The following LARS1 variants were observed in gnomAD, a reference collection of about 807,000 sequenced individuals.
LARS1 encodes the protein leucine--tRNA ligase, cytoplasmic.
LARS1 carries 100 observed loss-of-function variants against 162.8 expected under a neutral mutation model. The observed-to-expected ratio is 0.61, with a 90% confidence interval of 0.52 to 0.73. LARS1 has a LOEUF of 0.73. Ranked by LOEUF, LARS1 falls within the 30% of genes least tolerant of loss-of-function variation. The probability of loss-of-function intolerance (pLI) is 0.00; values close to 1 mark genes in which losing one functional copy is unlikely to be tolerated. For missense variants in LARS1, 1,258 were observed against 1,408.9 expected, an observed-to-expected ratio of 0.89 and a Z score of 1.71; for synonymous variants, 457 against 462.8, an observed-to-expected ratio of 0.99 and a Z score of 0.16.
chr5:146,176,464 A>AAAAG lies in LARS1; in HGVS notation c.125+1079_125+1082dup, dbSNP rs1188650331. On this transcript the variant is annotated intron_variant, in intron 2 of 31. Transcript: ENST00000394434. ...AGACTGTCTCAAAAAAAAAAAAAAA[A>AAAAG]AAAGAAAGAAAGAAAAAGAAGATTA... Among the ~76,000 whole-genome samples, 20 of 151,502 alleles carry AAAAG rather than the reference A, an allele frequency of 1.3e-4. No homozygotes were observed. In the Middle Eastern group the frequency reaches 0.01, roughly 77 times the overall value.
In LARS1 at chr5:146,122,559, G is replaced by A; in HGVS notation, c.3125C>T (p.Ser1042Phe). The A allele has an allele frequency of 6.2e-7, 1 of 1,609,416 alleles. No homozygotes were observed. Among genetic ancestry groups the A allele is most frequent in the South Asian group, 1.1e-5 (1 of 90,670 alleles). ...ELEHIEVKFA[S>F]EAEDKIREDC... ...TTCCCTGATTTTATCTTCTGCTTCG[G>A]AGGCAAACTTGACTTCTATGTGTTC... Residue 1042 changes from serine (S) to phenylalanine (F), a missense_variant, in exon 30 of 32, where the codon TCC becomes TTC. Coordinates refer to ENST00000394434, the MANE Select transcript of LARS1 (RefSeq NM_020117.11).
At position 146,177,540 on chromosome 5, in the gene LARS1, T is replaced by A. The variant is rs768298910; in HGVS notation, c.125+7A>T. 11 of 1,183,232 alleles carry A rather than the reference T, an allele frequency of 9.3e-6. No homozygotes were observed. The highest frequency in any genetic ancestry group is 7.3e-5 in the Admixed American group (4 of 55,084). 73.3% of individuals were successfully genotyped at this position (1,183,232 alleles called of 1,614,324 possible). On this transcript the variant is annotated splice_region_variant and intron_variant, in intron 2 of 31. Transcript: ENST00000394434. ...CAATGTGCAGAACTTCACAAACTAT[T>A]ACTCACCTGGTCTGTTTCTCTAAAT...
At chr5:146,169,750 C>T (rs545842835) in intron 4 of LARS1, among the ~76,000 whole-genome samples, 5 of 151,970 alleles carry the variant, frequency 3.3e-5, no homozygotes, top group South Asian at 2.1e-4. Context: ...GGTTTCACCA[C>T]GTTGGCCAGG....
At chr5:146,142,181 G>A (rs1036456108) in intron 20 of LARS1, among the ~76,000 whole-genome samples, 2 of 152,064 alleles carry the variant, frequency 1.3e-5, no homozygotes, top group African/African-American at 4.8e-5. Context: ...AAAAATATTC[G>A]GGAGGCTGAG....
intron 23 of LARS1, 81 bp downstream of exon 23, chr5:146,132,817 G>T: frequency 5.7e-6 from 3 of 528,086 alleles, no homozygotes; most frequent in Non-Finnish European, 8.8e-6. Context: ...AAAAAAAAAA[G>T]AAAAGAAAAG....
Position 146,114,097 on chromosome 5 carries a change from T to A in LARS1, c.*9A>T. ...AAGAAACCAGGATAAATCTCCAATG[T>A]GCATGAGTTTAATGAACCAGATAGA... On this transcript the variant is annotated 3_prime_UTR_variant, in exon 32 of 32. Coordinates refer to ENST00000394434, the MANE Select transcript of LARS1 (RefSeq NM_020117.11). 1 of 1,599,452 alleles carries A rather than the reference T, an allele frequency of 6.3e-7. No individual in the cohort carries two copies. The highest frequency in any genetic ancestry group is 8.6e-7 in the Non-Finnish European group (1 of 1,167,764).
intron 31 of LARS1, among the ~76,000 whole-genome samples, chr5:146,117,773 T>TGTA (rs1229006750): frequency 4.3e-5 from 6 of 139,440 alleles, no homozygotes; most frequent in Admixed American, 3.9e-4. Flanking sequence ...AATAAATGCA[T>TGTA]ATAACATGAT....
chr5:146,143,815 A>G (rs1443378881), intron 18 of LARS1, among the ~76,000 whole-genome samples: 1 of 152,154 alleles, frequency 6.6e-6, no homozygotes, highest in African/African-American at 2.4e-5. Flanking sequence ...ACTGGCCAAC[A>G]TGGTGAAACC....
At chr5:146,173,519 T>C (rs866082208) in intron 2 of LARS1, among the ~76,000 whole-genome samples, 1 of 151,874 alleles carries the variant, frequency 6.6e-6, no homozygotes, top group Non-Finnish European at 1.5e-5. Context: ...GTAGATTCAC[T>C]TTAAACGCAT....
At chr5:146,166,754 C>T (rs1265254057) in intron 5 of LARS1, among the ~76,000 whole-genome samples, 3 of 151,912 alleles carry the variant, frequency 2.0e-5, no homozygotes, top group African/African-American at 4.8e-5. Flanking sequence ...AGGCAAGATC[C>T]ACTGATGAAT....
chr5:146,119,042 AC>A (rs1751694999), intron 31 of LARS1, among the ~76,000 whole-genome samples: 1 of 152,242 alleles, frequency 6.6e-6, no homozygotes, highest in Admixed American at 6.5e-5. Flanking sequence ...CCCCATCCAA[AC>A]AGTATTTTCT....
At chr5:146,139,258 G>A (rs752468805) in intron 21 of LARS1, among the ~76,000 whole-genome samples, 7 of 150,984 alleles carry the variant, frequency 4.6e-5, no homozygotes, top group South Asian at 2.1e-4. Flanking sequence ...CAAGAGAATC[G>A]CTTGAATCTG....
chr5:146,153,815 G>C lies in LARS1; in HGVS notation c.1154-5C>G, dbSNP rs577902897. Reference sequence around the variant, plus strand: ...CACTTGTAACCACACCAGTGCCTTAGAAAACAAAGTGTGGAATTAATAACT... The same window carrying C: ...CACTTGTAACCACACCAGTGCCTTACAAAACAAAGTGTGGAATTAATAACT... On this transcript the variant is annotated splice_region_variant and splice_polypyrimidine_tract_variant and intron_variant, in intron 11 of 31. Coordinates refer to ENST00000394434, the MANE Select transcript of LARS1 (RefSeq NM_020117.11). 18 of 1,613,652 alleles carry C rather than the reference G, an allele frequency of 1.1e-5. No homozygotes were observed. Among genetic ancestry groups the C allele is most frequent in the Non-Finnish European group, 1.4e-5 (16 of 1,179,618 alleles).
At chr5:146,175,444 G>T (rs1394694829) in intron 2 of LARS1, among the ~76,000 whole-genome samples, 3 of 150,966 alleles carry the variant, frequency 2.0e-5, no homozygotes, top group Non-Finnish European at 4.4e-5. Context: ...TGGGGAGGCT[G>T]AGGCAGAAAA....
chr5:146,182,599 A>T lies in LARS1; in HGVS notation c.-106T>A. ...TCTCGGGGATGCCAGGCCTCCCACGAAACTAAAGCACACGCTTCACACCTG... is the reference window on the plus strand; with the variant it reads ...TCTCGGGGATGCCAGGCCTCCCACGTAACTAAAGCACACGCTTCACACCTG... On this transcript the variant is annotated 5_prime_UTR_variant, in exon 1 of 32. Coordinates refer to ENST00000394434, the MANE Select transcript of LARS1 (RefSeq NM_020117.11). 8.2e-6 allele frequency: 12 copies of T among 1,457,320 alleles called. No homozygotes were observed. The highest frequency in any genetic ancestry group is 1.2e-5 in the Non-Finnish European group (12 of 1,038,114). The allele number at this position is 1,457,320 out of a possible 1,614,324, so 90.3% of individuals were successfully genotyped here.
At chr5:146,121,348 T>C (rs1219190105) in intron 30 of LARS1, among the ~76,000 whole-genome samples, 2 of 152,162 alleles carry the variant, frequency 1.3e-5, no homozygotes, top group Non-Finnish European at 1.5e-5. Flanking sequence ...ACTCTCCCAA[T>C]TGCAGTCCCC....
intron 23 of LARS1, chr5:146,131,454 CA>C: frequency 6.4e-6 from 1 of 155,142 alleles, no homozygotes; most frequent in Non-Finnish European, 1.4e-5. Context: ...CAAAATGCAA[CA>C]TGAAAATAGC....
chr5:146,126,059 C>T (rs968793106), intron 28 of LARS1, among the ~76,000 whole-genome samples: 9 of 152,090 alleles, frequency 5.9e-5, no homozygotes, highest in African/African-American at 2.2e-4. Context: ...CCACTATAAC[C>T]AATGTTTACC....
chr5:146,139,811 C>T (rs1752685537), intron 21 of LARS1: 1 of 127,826 alleles, frequency 7.8e-6, no homozygotes, highest in Non-Finnish European at 1.5e-5. Context: ...GGGGGCGGAG[C>T]TTGCAGTGAG....
Sources: allele counts gnomAD v4.1 joint callset (sites outside exome capture counted in the v4.1 genomes callset), GRCh38; gene constraint gnomAD v4.1.1; transcripts MANE v1.5; gene names NCBI Gene and HGNC (gene_info 2026-07-23, HGNC 2026-07-21).